The following VAV1 variants were observed in gnomAD, a reference collection of about 807,000 sequenced individuals.
VAV1 encodes the protein vav guanine nucleotide exchange factor 1.
A neutral mutation model predicts 128.1 loss-of-function variants in VAV1; 33 were observed. The ratio of observed to expected loss-of-function variants is 0.26; its 90% CI spans 0.20 to 0.34. VAV1 has a LOEUF of 0.34. Among genes scored for constraint, VAV1 ranks in the 10% least tolerant of loss-of-function variants. VAV1 has a pLI of 1.00. For synonymous variants in VAV1, 394 were observed against 409.8 expected (o/e 0.96, Z 0.47); for missense variants, 715 against 1,093.7 (o/e 0.65, Z 4.88).
chr19:6,821,527 G>A (rs1971782758), intron 2 of VAV1, 95 bp from the exon 3 acceptor site: 2 of 1,455,674 alleles, frequency 1.4e-6, no homozygotes, highest in Non-Finnish European at 1.9e-6. Flanking sequence ...AGAGGCATGG[G>A]ATCTAGCGCC....
At chr19:6,807,613 G>A (rs1388056265) in intron 1 of VAV1, among the ~76,000 whole-genome samples, 1 of 152,106 alleles carries the variant, frequency 6.6e-6, no homozygotes, top group African/African-American at 2.4e-5. Flanking sequence ...TCTGGAGGCT[G>A]AGGTGGGAGG....
Position 6,843,178 on chromosome 19 carries a change from C to T in VAV1, c.2012+12C>T, listed in dbSNP as rs1329908412. 3 of 1,613,864 alleles carry T rather than the reference C, an allele frequency of 1.9e-6. No homozygotes were observed. The highest frequency in any genetic ancestry group is 2.5e-6 in the Non-Finnish European group (3 of 1,179,972). On this transcript the variant is annotated intron_variant, in intron 22 of 26. Coordinates refer to ENST00000602142, the MANE Select transcript of VAV1 (RefSeq NM_005428.4). ...TCTGTTCATCTCTGGTGAGTAGAAA[C>T]ATTTATTTTTGTTTCAATGAGAGGT... is the stretch of plus-strand genomic sequence containing the variant.
rs1402302197 is a variant in VAV1, at chr19:6,821,838, G to T, written c.428G>T (p.Ser143Ile). Residue 143 changes from serine (S) to isoleucine (I), a missense_variant, in exon 4 of 27, where the codon AGT becomes ATT. Transcript: ENST00000602142. ...AGTGTAGGTGATGAAGACATCTACA[G>T]TGGCCTGTCCGACCAGATCGAGTGA... ...EESVGDEDIYSGLSDQIDDTV... is the reference protein window; with the variant it reads ...EESVGDEDIYIGLSDQIDDTV... 6.2e-7 allele frequency: 1 copy of T among 1,614,058 alleles called. No individual in the cohort carries two copies.
At chr19:6,836,935 T>C in intron 20 of VAV1, 50 bp from the exon 21 acceptor site, 1 of 1,595,536 alleles carries the variant, frequency 6.3e-7, no homozygotes, top group Non-Finnish European at 8.6e-7. Context: ...CAGGTGGGGT[T>C]ATGGATCCTA....
chr19:6,851,326 T>A (rs560458327), intron 24 of VAV1, among the ~76,000 whole-genome samples: 1 of 151,986 alleles, frequency 6.6e-6, no homozygotes, highest in Non-Finnish European at 1.5e-5. Flanking sequence ...GCATGCACCA[T>A]CATGCCTGGC....
intron 1 of VAV1, among the ~76,000 whole-genome samples, chr19:6,811,966 C>T (rs1041115356): frequency 6.6e-6 from 1 of 152,190 alleles, no homozygotes; most frequent in Non-Finnish European, 1.5e-5. Context: ...GAGTCTCAGC[C>T]TGCAGAAAAT....
intron 1 of VAV1, 119 bp downstream of exon 1, chr19:6,773,130 T>C: frequency 7.4e-7 from 1 of 1,354,120 alleles, no homozygotes; most frequent in East Asian, 2.3e-5. Context: ...GGGAATATGC[T>C]TACAGGTCCA....
At chr19:6,815,598 A>G (rs1971627804) in intron 1 of VAV1, among the ~76,000 whole-genome samples, 1 of 152,202 alleles carries the variant, frequency 6.6e-6, no homozygotes, top group Non-Finnish European at 1.5e-5. Context: ...TGCAAATGGA[A>G]GTGTGAGAAA....
At chr19:6,806,823 C>T (rs1320376623) in intron 1 of VAV1, among the ~76,000 whole-genome samples, 5 of 152,220 alleles carry the variant, frequency 3.3e-5, no homozygotes, top group Non-Finnish European at 5.9e-5. Flanking sequence ...TGGATGTGTG[C>T]ATAATTAGTT....
Position 6,848,672 on chromosome 19 carries a change from G to A in VAV1, c.2129+558G>A, listed in dbSNP as rs189498236. ...CCCGCCTCGGCCTCCCAAAGTGTTG[G>A]GATTACAGGCGTGAGCCATCGTGCC... On this transcript the variant is annotated intron_variant, in intron 23 of 26. Coordinates refer to ENST00000602142, the MANE Select transcript of VAV1 (RefSeq NM_005428.4). Among the ~76,000 whole-genome samples, 55 of 152,018 alleles carry A rather than the reference G, an allele frequency of 3.6e-4. 1 individual carries two copies. The highest frequency in any genetic ancestry group is 3.2e-3 in the Admixed American group (49 of 15,278).
chr19:6,820,784 C>T lies in VAV1; in HGVS notation c.287C>T (p.Ala96Val). 1 of 1,614,226 alleles carries T rather than the reference C, an allele frequency of 6.2e-7. No individual in the cohort carries two copies. The highest frequency in any genetic ancestry group is 8.5e-7 in the Non-Finnish European group (1 of 1,180,042). The change falls in exon 2 of 27, where the codon GCC becomes GTC. Residue 96 changes from alanine to valine, a missense_variant. Ala to Val is a moderately conservative substitution (Grantham distance 64). Transcript: ENST00000602142. This position sits in a 1 kb window ranked among gnomAD's most constrained non-coding sequence, Gnocchi z 4.4. ...FGLKRSELFEAFDLFDVQDFG... is the reference protein window; with the variant it reads ...FGLKRSELFEVFDLFDVQDFG... ...CTCAAGCGGAGCGAGCTCTTCGAAG[C>T]CTTTGACCTCTTCGATGTGCAGGAT...
At chr19:6,852,036 C>A (rs1428415089) in intron 24 of VAV1, among the ~76,000 whole-genome samples, 4 of 152,072 alleles carry the variant, frequency 2.6e-5, no homozygotes, top group Non-Finnish European at 5.9e-5. Context: ...ATACAAGAGA[C>A]AGGGTCTTGC....
intron 1 of VAV1, among the ~76,000 whole-genome samples, chr19:6,807,451 G>T (rs187574956): frequency 6.6e-6 from 1 of 152,236 alleles, no homozygotes; most frequent in East Asian, 1.9e-4. Context: ...CTGACAGGAG[G>T]TGGGGCTCAG....
intron 20 of VAV1, 63 bp from the exon 21 acceptor site, chr19:6,836,922 T>C: frequency 6.5e-7 from 1 of 1,535,262 alleles, no homozygotes; most frequent in South Asian, 1.1e-5. Context: ...TGGGTTTAGA[T>C]GGCAGGTGGG....
Position 6,822,369 on chromosome 19 carries a change from CG to C in VAV1, c.559-44del, listed in dbSNP as rs56070675. ...GGGTCGGGCCTGGGGAGGGCGTGGG[CG>C]GGGGGCAGCCCCAGGCCCCCCAACA... On this transcript the variant is annotated intron_variant, in intron 5 of 26. Coordinates refer to ENST00000602142, the MANE Select transcript of VAV1 (RefSeq NM_005428.4). This position sits in a 1 kb window ranked among gnomAD's most constrained non-coding sequence, Gnocchi z 5.9. The C allele has an allele frequency of 0.066, 41,857 of 632,972 alleles. 657 individuals carry two copies. The highest frequency in any genetic ancestry group is 0.085 in the Non-Finnish European group (30,905 of 365,412). 39.2% of individuals were successfully genotyped at this position (632,972 alleles called of 1,614,324 possible).
chr19:6,847,164 G>A (rs1035307397), intron 22 of VAV1, among the ~76,000 whole-genome samples: 2 of 151,928 alleles, frequency 1.3e-5, no homozygotes, highest in Admixed American at 6.6e-5. Context: ...CGCCCACCTC[G>A]GCCTCCCAAA....
chr19:6,801,717 G>A (rs988087896), intron 1 of VAV1, among the ~76,000 whole-genome samples: 1 of 152,132 alleles, frequency 6.6e-6, no homozygotes, highest in African/African-American at 2.4e-5. Context: ...GTGGGGAGTT[G>A]ATTGCTGCCG....
At chr19:6,834,752 A>G (rs1972177994) in intron 19 of VAV1, among the ~76,000 whole-genome samples, 1 of 147,732 alleles carries the variant, frequency 6.8e-6, no homozygotes, top group African/African-American at 2.5e-5. Context: ...CTTGCTCTGT[A>G]TCCCAGGCTG....
intron 19 of VAV1, among the ~76,000 whole-genome samples, chr19:6,834,585 TATA>T (rs1246463472): frequency 2.1e-5 from 3 of 146,218 alleles, no homozygotes; most frequent in East Asian, 1.9e-4. Context: ...TTATTAAATA[TATA>T]ATAATTTATT....
Sources: gnomAD v4.1 joint callset for allele counts (sites outside exome capture counted in the v4.1 genomes callset) on GRCh38, gnomAD v4.1.1 for gene constraint, Gnocchi (gnomAD v3.1) non-coding constraint, MANE v1.5 for transcripts, NCBI Gene and HGNC (gene_info 2026-07-23, HGNC 2026-07-21) for gene names.